KCNJ16: variants seen among roughly 807,000 people sequenced by gnomAD.
KCNJ16 encodes inward rectifier potassium channel 16.
Under a neutral mutation model 18.5 loss-of-function variants are expected in KCNJ16, and 15 were observed. The observed-to-expected ratio is 0.81, with a 90% CI of 0.54 to 1.25. The LOEUF (loss-of-function observed/expected upper bound fraction) is 1.25. Among genes scored for constraint, KCNJ16 ranks in the 50% most tolerant of loss-of-function variants. KCNJ16 has a pLI of 0.00. For synonymous variants in KCNJ16, 174 were observed against 186.5 expected, an observed-to-expected ratio of 0.93 and a Z score of 0.55; for missense variants, 523 against 525.7, an observed-to-expected ratio of 0.99 and a Z score of 0.05.
At chr17:70,092,517 G>GATAGATAGATAC (rs896689310) in intron 1 of KCNJ16, among the ~76,000 whole-genome samples, 1 of 39,750 alleles carries the variant, frequency 2.5e-5, no homozygotes, top group African/African-American at 9.1e-5. Flanking sequence ...TAGATAGATA[G>GATAGATAGATAC]ATAGATACAT....
chr17:70,111,144 G>A (rs2073168508), intron 2 of KCNJ16, among the ~76,000 whole-genome samples: 1 of 152,078 alleles, frequency 6.6e-6, no homozygotes, highest in South Asian at 2.1e-4. Flanking sequence ...CACATCTGAG[G>A]GTATGAGTGT....
In KCNJ16 at chr17:70,079,640, C is replaced by T. The variant is rs1002606099; in HGVS notation, c.-300+4250C>T. On this transcript the variant is annotated intron_variant, in intron 1 of 3. Transcript: ENST00000392671. ...ATTAAATTTCATAAAATGGATCTGC[C>T]TAAAAATACCATCATTTGCATATAG... Among the ~76,000 whole-genome samples the T allele has an allele frequency of 7.2e-5, 11 of 152,224 alleles. No individual in the cohort carries two copies. The South Asian group carries it at 1.0e-3, about 14-fold the overall frequency.
chr17:70,101,419 A>G (rs1281440989), intron 2 of KCNJ16: 2 of 152,204 alleles, frequency 1.3e-5, no homozygotes, highest in Non-Finnish European at 2.9e-5. Flanking sequence ...TATAAAAATT[A>G]TATCTATCTG....
chr17:70,103,107 TA>T (rs869306993), intron 2 of KCNJ16, among the ~76,000 whole-genome samples: 2 of 142,946 alleles, frequency 1.4e-5, no homozygotes, highest in African/African-American at 5.2e-5. Flanking sequence ...TTATGTATAT[TA>T]TATATATATA....
intron 1 of KCNJ16, among the ~76,000 whole-genome samples, chr17:70,082,349 G>T (rs1044411091): frequency 6.6e-6 from 1 of 152,134 alleles, no homozygotes; most frequent in Admixed American, 6.5e-5. Flanking sequence ...TGGAATACAG[G>T]AGTATGACCT....
intron 2 of KCNJ16, among the ~76,000 whole-genome samples, chr17:70,118,005 G>GT (rs2073479931): frequency 6.6e-6 from 1 of 152,180 alleles, no homozygotes; most frequent in African/African-American, 2.4e-5. Flanking sequence ...ACTCAACTTT[G>GT]TAAGTTTGTG....
At chr17:70,076,512 T>C (rs1456333807) in intron 1 of KCNJ16, among the ~76,000 whole-genome samples, 1 of 152,168 alleles carries the variant, frequency 6.6e-6, no homozygotes, top group African/African-American at 2.4e-5. Flanking sequence ...TCCTGCTTGT[T>C]TATTTTTAGA....
intron 1 of KCNJ16, among the ~76,000 whole-genome samples, chr17:70,099,233 A>G (rs1269481359): frequency 6.6e-6 from 1 of 152,212 alleles, no homozygotes; most frequent in Non-Finnish European, 1.5e-5. Flanking sequence ...AGATTCAACA[A>G]TCACTATAGA....
At chr17:70,076,050 G>A (rs917427126) in intron 1 of KCNJ16, among the ~76,000 whole-genome samples, 1 of 151,284 alleles carries the variant, frequency 6.6e-6, no homozygotes, top group Non-Finnish European at 1.5e-5. Flanking sequence ...GTAAAACTTT[G>A]CTCTCTGGAT....
intron 1 of KCNJ16, among the ~76,000 whole-genome samples, chr17:70,099,345 A>C (rs1009953145): frequency 2.0e-5 from 3 of 152,188 alleles, no homozygotes; most frequent in African/African-American, 7.2e-5. Context: ...TATGTGAAGA[A>C]CAGGCTCCTG....
In KCNJ16 at chr17:70,114,346, G is replaced by A. The variant is rs1396542274; in HGVS notation, c.-191+13580G>A. Among the ~76,000 whole-genome samples, 3 of 152,074 alleles carry A rather than the reference G, an allele frequency of 2.0e-5. No individual in the cohort carries two copies. In the East Asian group the frequency reaches 5.8e-4, roughly 29 times the overall value. ...AATTGCCAAAGAGGACAGTTTGCAG[G>A]CAGTACTCACAAATGGGAAAATAGC... On this transcript the variant is annotated intron_variant, in intron 2 of 3. Coordinates refer to ENST00000392671, the MANE Select transcript of KCNJ16 (RefSeq NM_170741.4).
chr17:70,104,688 A>T (rs940705600), intron 2 of KCNJ16, among the ~76,000 whole-genome samples: 8 of 152,230 alleles, frequency 5.3e-5, no homozygotes, highest in African/African-American at 1.9e-4. Flanking sequence ...GATTTTTATT[A>T]TTATATAAGC....
At chr17:70,094,131 A>G (rs984898170) in intron 1 of KCNJ16, among the ~76,000 whole-genome samples, 2 of 152,338 alleles carry the variant, frequency 1.3e-5, no homozygotes, top group African/African-American at 4.8e-5. Flanking sequence ...TGTGCCCCAG[A>G]CAGCCCTGTG....
At chr17:70,130,431 G>C (rs1278785837) in intron 2 of KCNJ16, among the ~76,000 whole-genome samples, 1 of 152,156 alleles carries the variant, frequency 6.6e-6, no homozygotes, top group East Asian at 1.9e-4. Flanking sequence ...CTGGATGATG[G>C]GTGAGTGAAG....
intron 1 of KCNJ16, among the ~76,000 whole-genome samples, chr17:70,091,344 C>G (rs185011039): frequency 6.6e-4 from 101 of 152,244 alleles, no homozygotes; most frequent in Middle Eastern, 6.8e-3. Flanking sequence ...TTCTAAATAG[C>G]TTACTAACTT....
intron 1 of KCNJ16, among the ~76,000 whole-genome samples, chr17:70,091,261 G>A (rs1266444909): frequency 6.6e-6 from 1 of 152,106 alleles, no homozygotes; most frequent in East Asian, 1.9e-4. Context: ...TCATTTGACT[G>A]TTAACTAAAA....
chr17:70,088,021 C>CAAAAAAAAAAAA (rs10661960), intron 1 of KCNJ16, among the ~76,000 whole-genome samples: 8 of 79,444 alleles, frequency 1.0e-4, no homozygotes, highest in Admixed American at 3.8e-4. Flanking sequence ...GACTCTGTCT[C>CAAAAAAAAAAAA]AAAAAAAAAA....
chr17:70,110,521 A>T (rs754405099), intron 2 of KCNJ16, among the ~76,000 whole-genome samples: 5 of 148,376 alleles, frequency 3.4e-5, no homozygotes, highest in Non-Finnish European at 7.5e-5. Context: ...TCCGGCATCC[A>T]GTCTTTATGA....
In KCNJ16 at chr17:70,120,368, A is replaced by G. The variant is rs563091819; in HGVS notation, c.-190-10511A>G. On this transcript the variant is annotated intron_variant, in intron 2 of 3. Transcript: ENST00000392671. ...CTGTCTGTCATTCAGTTTCAAAGCC[A>G]CTTTCGCATTTTCACGTGTCTTTGT... is the stretch of plus-strand genomic sequence containing the variant. 3.3e-5 allele frequency among the ~76,000 whole-genome samples: 5 copies of G among 152,178 alleles called. No individual in the cohort carries two copies. The East Asian group carries it at 9.7e-4, about 29-fold the overall frequency.
Sources: allele counts gnomAD v4.1 joint callset (sites outside exome capture counted in the v4.1 genomes callset), GRCh38; gene constraint gnomAD v4.1.1; transcripts MANE v1.5; gene names NCBI Gene and HGNC (gene_info 2026-07-23, HGNC 2026-07-21).